Variants in STPG2 observed in about 807,000 individuals in gnomAD.
STPG2 encodes sperm tail PG-rich repeat containing 2, also known as sperm-tail PG-rich repeat-containing protein 2.
In STPG2, 56 loss-of-function variants were observed where a neutral mutation model predicts 54.2. The ratio of observed to expected loss-of-function variants is 1.03; its 90% CI spans 0.83 to 1.29. The LOEUF (loss-of-function observed/expected upper bound fraction) is 1.29. Ranked by LOEUF, STPG2 falls within the 50% of genes most tolerant of loss-of-function variation. The pLI is 0.00. For missense variants in STPG2, 596 were observed against 544.9 expected (o/e 1.09, Z -0.93); for synonymous variants, 200 against 181.8 (o/e 1.10, Z -0.81).
At chr4:97,861,380 G>A (rs1451180466) in intron 8 of STPG2, among the ~76,000 whole-genome samples, 1 of 152,072 alleles carries the variant, frequency 6.6e-6, no homozygotes. Flanking sequence ...GGGAGCCTTT[G>A]GCCACTGTTG....
intron 4 of STPG2, among the ~76,000 whole-genome samples, chr4:97,443,419 A>T (rs952202304): frequency 6.6e-6 from 1 of 152,202 alleles, no homozygotes; most frequent in Non-Finnish European, 1.5e-5. Flanking sequence ...GCTAAATTTT[A>T]TCTGGTATAG....
At chr4:97,706,934 C>T (rs565030519) in intron 10 of STPG2, among the ~76,000 whole-genome samples, 1 of 152,036 alleles carries the variant, frequency 6.6e-6, no homozygotes, top group East Asian at 1.9e-4. Context: ...AAAAATGAGG[C>T]TGAGAGATAT....
chr4:97,872,549 A>G (rs1200360193), intron 8 of STPG2, among the ~76,000 whole-genome samples: 21 of 151,310 alleles, frequency 1.4e-4, no homozygotes, highest in Admixed American at 1.4e-3. Flanking sequence ...AAAACACGTA[A>G]GAATAAGTAT....
intron 4 of STPG2, among the ~76,000 whole-genome samples, chr4:97,471,573 T>A (rs1160317240): frequency 6.6e-6 from 1 of 152,144 alleles, no homozygotes; most frequent in Non-Finnish European, 1.5e-5. Context: ...CCATAGATAT[T>A]CTGAGAAGGT....
chr4:97,922,357 AT>A (rs2149210783), intron 8 of STPG2, among the ~76,000 whole-genome samples: 2 of 152,284 alleles, frequency 1.3e-5, no homozygotes, highest in South Asian at 4.1e-4. Flanking sequence ...ACAACCATAA[AT>A]TTAAAATGTA....
intron 5 of STPG2, among the ~76,000 whole-genome samples, chr4:98,006,821 C>A (rs1159941827): frequency 6.6e-6 from 1 of 152,190 alleles, no homozygotes; most frequent in African/African-American, 2.4e-5. Flanking sequence ...GGGAACTGAG[C>A]CCAATCAGTT....
chr4:97,964,844 C>G (rs1026111115), intron 7 of STPG2, among the ~76,000 whole-genome samples: 1 of 152,152 alleles, frequency 6.6e-6, no homozygotes, highest in Non-Finnish European at 1.5e-5. Context: ...ACCTATTGGT[C>G]TTGACAGAAT....
intron 8 of STPG2, 132 bp downstream of exon 8, chr4:97,943,765 T>G (rs1174139064): frequency 3.6e-6 from 2 of 562,904 alleles, no homozygotes; most frequent in African/African-American, 4.0e-5. Flanking sequence ...AATATAAAAG[T>G]ATCGGTCTAG....
chr4:97,842,015 C>T (rs1284911316), intron 8 of STPG2, among the ~76,000 whole-genome samples: 1 of 151,750 alleles, frequency 6.6e-6, no homozygotes. Context: ...TCAAATAAGT[C>T]AAACAAATTT....
At chr4:98,121,134 C>T (rs1739667973) in intron 3 of STPG2, among the ~76,000 whole-genome samples, 1 of 152,204 alleles carries the variant, frequency 6.6e-6, no homozygotes, top group Non-Finnish European at 1.5e-5. Context: ...CCAGTTCTCC[C>T]AGCACAATTT....
intron 4 of STPG2, among the ~76,000 whole-genome samples, chr4:97,459,805 G>A (rs1348887032): frequency 6.6e-6 from 1 of 151,990 alleles, no homozygotes; most frequent in African/African-American, 2.4e-5. Context: ...TTTTCACTTC[G>A]AGTTTTGTAA....
At chr4:97,832,393 A>C (rs879248867) in intron 9 of STPG2, among the ~76,000 whole-genome samples, 1 of 152,178 alleles carries the variant, frequency 6.6e-6, no homozygotes, top group Admixed American at 6.5e-5. Flanking sequence ...TTTATGACCA[A>C]CCCACAGCCA....
intron 10 of STPG2, among the ~76,000 whole-genome samples, chr4:97,666,268 A>C (rs1174854959): frequency 2.0e-5 from 3 of 152,016 alleles, no homozygotes; most frequent in Non-Finnish European, 4.4e-5. Context: ...CTCCTCCCAC[A>C]CTACAGCCAG....
intron 2 of STPG2, among the ~76,000 whole-genome samples, chr4:98,132,948 TAAAAAAAAAAA>T (rs200375140): frequency 1.8e-4 from 18 of 101,580 alleles, no homozygotes; most frequent in African/African-American, 6.2e-4. Context: ...TGAAATGAAC[TAAAAAAAAAAA>T]AAAAAAAAAA....
intron 8 of STPG2, among the ~76,000 whole-genome samples, chr4:97,881,701 A>G (rs1339300032): frequency 2.0e-5 from 3 of 152,180 alleles, no homozygotes; most frequent in African/African-American, 7.2e-5. Context: ...AGTGCACTTT[A>G]AAATGCTACA....
intron 10 of STPG2, among the ~76,000 whole-genome samples, chr4:97,613,553 G>C (rs1277665980): frequency 6.6e-6 from 1 of 150,956 alleles, no homozygotes; most frequent in Non-Finnish European, 1.5e-5. Flanking sequence ...AGGGAATGGG[G>C]GGCATGGTTT....
At chr4:97,739,476 T>A (rs1237123403) in intron 9 of STPG2, among the ~76,000 whole-genome samples, 1 of 151,756 alleles carries the variant, frequency 6.6e-6, no homozygotes, top group South Asian at 2.1e-4. Context: ...GCAAGACTAA[T>A]AAAGAAGAAA....
At chr4:97,867,744 C>G (rs1304577918) in intron 8 of STPG2, among the ~76,000 whole-genome samples, 1 of 152,000 alleles carries the variant, frequency 6.6e-6, no homozygotes, top group Non-Finnish European at 1.5e-5. Context: ...TTCTACTCTG[C>G]CAACCTTAAC....
intron 4 of STPG2, among the ~76,000 whole-genome samples, chr4:97,481,134 C>A (rs1730210674): frequency 6.6e-6 from 1 of 151,450 alleles, no homozygotes; most frequent in African/African-American, 2.4e-5. Context: ...GTTATTACAG[C>A]AATATTTGTT....
Sources: gnomAD v4.1 joint callset for allele counts (sites outside exome capture counted in the v4.1 genomes callset) on GRCh38, gnomAD v4.1.1 for gene constraint, MANE v1.5 for transcripts, NCBI Gene and HGNC (gene_info 2026-07-23, HGNC 2026-07-21) for gene names.